Variants in ABCC4 observed in about 807,000 individuals in gnomAD.
ABCC4 encodes the protein ATP-binding cassette sub-family C member 4.
A neutral mutation model predicts 168.5 loss-of-function variants in ABCC4; 102 were observed. The observed-to-expected ratio is 0.61, with a 90% CI of 0.52 to 0.71. The LOEUF (loss-of-function observed/expected upper bound fraction) is 0.71. Ranked by LOEUF, ABCC4 falls within the 30% of genes least tolerant of loss-of-function variation. The pLI is 0.00. For missense variants in ABCC4, 1,402 were observed against 1,605.8 expected (o/e 0.87, Z 2.17); for synonymous variants, 617 against 590.7 (o/e 1.04, Z -0.65).
At chr13:95,029,164 ATACATATAT>A (rs1469331780) in intron 30 of ABCC4, among the ~76,000 whole-genome samples, 4 of 94,842 alleles carry the variant, frequency 4.2e-5, no homozygotes, top group Non-Finnish European at 4.2e-5. Context: ...TTTAAAAAAA[ATACATATAT>A]ATATATATAT....
chr13:95,054,854 T>C lies in ABCC4; in HGVS notation c.3367-1670A>G, dbSNP rs892351799. Among the ~76,000 whole-genome samples the C allele has an allele frequency of 3.3e-5, 5 of 152,104 alleles. No homozygotes were observed. The South Asian group carries it at 1.0e-3, about 32-fold the overall frequency. On this transcript the variant is annotated intron_variant, in intron 26 of 30. Transcript: ENST00000645237. ...TTTTTTCTCCAGCCATAAAGAAAAA[T>C]GATATCCAGGGAGGCTCTCATCCCT...
chr13:95,153,939 C>T (rs534326981), intron 19 of ABCC4, among the ~76,000 whole-genome samples: 1 of 152,274 alleles, frequency 6.6e-6, no homozygotes, highest in South Asian at 2.1e-4. Flanking sequence ...AATATGACTT[C>T]GTATCACCCC....
intron 1 of ABCC4, among the ~76,000 whole-genome samples, chr13:95,269,654 A>G (rs552349899): frequency 6.6e-6 from 1 of 152,220 alleles, no homozygotes; most frequent in Non-Finnish European, 1.5e-5. Flanking sequence ...CACGTTACAC[A>G]TTTGTTTGTA....
rs548052466 is a variant in ABCC4 at position 95,259,331 on chromosome 13, G to C, written c.75-11578C>G. Among the ~76,000 whole-genome samples the C allele has an allele frequency of 1.4e-3, 204 of 149,282 alleles. 6 individuals carry two copies. The highest frequency in any genetic ancestry group is 5.3e-3 in the South Asian group (25 of 4,736). On this transcript the variant is annotated intron_variant, in intron 1 of 30. Coordinates refer to ENST00000645237, the MANE Select transcript of ABCC4 (RefSeq NM_005845.5). The stretch of plus-strand genomic sequence containing the variant: ...GGAAGTGGAGGTTGCGGTGAGCTGA[G>C]ATCACGCCATTGTACTCCAGCCTGG...
In ABCC4 at chr13:95,170,243, T is replaced by C. The variant is rs149348908; in HGVS notation, c.1824+289A>G. ...CAAACAGGTCTTAGAGTCTGTAATTTCCAAATAATACAATTTGAATTAAGT... is the reference window on the plus strand; with the variant it reads ...CAAACAGGTCTTAGAGTCTGTAATTCCCAAATAATACAATTTGAATTAAGT... On this transcript the variant is annotated intron_variant, in intron 14 of 30. Coordinates refer to ENST00000645237, the MANE Select transcript of ABCC4 (RefSeq NM_005845.5). 1.2e-3 allele frequency: 337 copies of C among 278,786 alleles called. 1 individual carries two copies. The highest frequency in any genetic ancestry group is 6.8e-3 in the African/African-American group (309 of 45,756). 17.3% of individuals were successfully genotyped at this position (278,786 alleles called of 1,614,324 possible).
chr13:95,041,262 T>C (rs2032346039), intron 29 of ABCC4, among the ~76,000 whole-genome samples: 1 of 152,210 alleles, frequency 6.6e-6, no homozygotes, highest in Non-Finnish European at 1.5e-5. Flanking sequence ...AAAATAAAAT[T>C]CTAAGCTTAA....
At chr13:95,181,535 C>T (rs141272476) in intron 11 of ABCC4, among the ~76,000 whole-genome samples, 2 of 152,324 alleles carry the variant, frequency 1.3e-5, no homozygotes, top group East Asian at 3.9e-4. Context: ...TAGGAAGGAC[C>T]TGCCATATTC....
intron 1 of ABCC4, among the ~76,000 whole-genome samples, chr13:95,301,034 C>CCCCGGGGCGCAGGCAGGGACCACG (rs1434661997): frequency 1.3e-5 from 2 of 151,970 alleles, no homozygotes; most frequent in African/African-American, 4.8e-5. Context: ...CTGCGCCGCG[C>CCCCGGGGCGCAGGCAGGGACCACG]CCCGGGGCGC....
chr13:95,038,155 C>T (rs1276499058), intron 29 of ABCC4, among the ~76,000 whole-genome samples: 2 of 151,902 alleles, frequency 1.3e-5, no homozygotes, highest in East Asian at 3.9e-4. Flanking sequence ...CACATATGGC[C>T]CAAGAAAACA....
At chr13:95,250,733 T>G (rs545252601) in intron 1 of ABCC4, among the ~76,000 whole-genome samples, 6 of 150,390 alleles carry the variant, frequency 4.0e-5, no homozygotes, top group Admixed American at 3.3e-4. Flanking sequence ...CCCCAAGGAT[T>G]TGAGAAGTTC....
chr13:95,119,228 T>C (rs770872175), intron 19 of ABCC4, among the ~76,000 whole-genome samples: 1 of 152,156 alleles, frequency 6.6e-6, no homozygotes. Flanking sequence ...ATGGCACAGG[T>C]AGATTTTTGG....
chr13:95,252,171 C>T (rs146642829), intron 1 of ABCC4, among the ~76,000 whole-genome samples: 240 of 152,026 alleles, frequency 1.6e-3, no homozygotes, highest in Non-Finnish European at 2.8e-3. Context: ...GGAGAAGCCA[C>T]AAAGGCCTTC....
At chr13:95,282,212 C>T (rs570450033) in intron 1 of ABCC4, among the ~76,000 whole-genome samples, 9 of 151,928 alleles carry the variant, frequency 5.9e-5, no homozygotes, top group Non-Finnish European at 1.0e-4. Context: ...CTCCAACATG[C>T]GAACTTTGGG....
intron 3 of ABCC4, among the ~76,000 whole-genome samples, chr13:95,244,137 G>A (rs369516490): frequency 1.3e-5 from 2 of 152,118 alleles, no homozygotes; most frequent in Admixed American, 6.5e-5. Flanking sequence ...ATACTCTGAA[G>A]ACAGAGTTCT....
At chr13:95,227,223 C>T (rs1213758007) in intron 4 of ABCC4, among the ~76,000 whole-genome samples, 1 of 152,198 alleles carries the variant, frequency 6.6e-6, no homozygotes, top group African/African-American at 2.4e-5. Flanking sequence ...AAAACAAGTC[C>T]TCCCTCCTTA....
intron 9 of ABCC4, among the ~76,000 whole-genome samples, chr13:95,190,751 A>C (rs2038226541): frequency 6.6e-6 from 1 of 152,230 alleles, no homozygotes; most frequent in Non-Finnish European, 1.5e-5. Context: ...GGAATCCTAA[A>C]GGGGTTTAAG....
chr13:95,069,236 T>C (rs531379561), intron 25 of ABCC4, among the ~76,000 whole-genome samples: 1 of 152,168 alleles, frequency 6.6e-6, no homozygotes, highest in Non-Finnish European at 1.5e-5. Flanking sequence ...TTTCTTTGTA[T>C]GTGCATATCC....
chr13:95,072,058 A>G lies in ABCC4; in HGVS notation c.3019-205T>C, dbSNP rs550096513. Among the ~76,000 whole-genome samples the G allele has an allele frequency of 3.9e-5, 6 of 152,396 alleles. No homozygotes were observed. In the South Asian group the frequency reaches 1.2e-3, roughly 32 times the overall value. On this transcript the variant is annotated intron_variant, in intron 24 of 30. Coordinates refer to ENST00000645237, the MANE Select transcript of ABCC4 (RefSeq NM_005845.5). ...CAACCACTTCCTTCAACATTAGGTT[A>G]AAAGAATGAGAGAAATGAATGCTTA...
At chr13:95,116,027 A>C (rs1220169588) in intron 19 of ABCC4, 26 bp from the exon 20 acceptor site, 1 of 1,564,832 alleles carries the variant, frequency 6.4e-7, no homozygotes, top group Non-Finnish European at 8.8e-7. Flanking sequence ...ATGAAAAATT[A>C]CTCATTTCCC....
Sources: gnomAD v4.1 joint callset for allele counts (sites outside exome capture counted in the v4.1 genomes callset) on GRCh38, gnomAD v4.1.1 for gene constraint, MANE v1.5 for transcripts, NCBI Gene and HGNC (gene_info 2026-07-23, HGNC 2026-07-21) for gene names.